Variants in AGAP3 observed in about 807,000 individuals in gnomAD.
AGAP3 encodes the protein ArfGAP with GTPase domain, ankyrin repeat and PH domain 3.
AGAP3 carries 24 observed loss-of-function variants against 96.9 expected under a neutral mutation model. The ratio of observed to expected loss-of-function variants is 0.25; its 90% CI spans 0.18 to 0.35. The LOEUF (loss-of-function observed/expected upper bound fraction) is 0.35. AGAP3 is among the 10% of genes least tolerant of loss of function. The pLI is 1.00. For missense variants in AGAP3, 876 were observed against 1,254.2 expected, an observed-to-expected ratio of 0.70 and a Z score of 4.55; for synonymous variants, 563 against 536.1, an observed-to-expected ratio of 1.05 and a Z score of -0.69.
intron 8 of AGAP3, 58 bp downstream of exon 8, chr7:151,120,203 C>A: frequency 1.3e-6 from 2 of 1,522,292 alleles, no homozygotes; most frequent in Non-Finnish European, 1.8e-6. Flanking sequence ...CAGGGCTGAG[C>A]GCCGAGCTCC....
chr7:151,112,973 A>C (rs1019706605), intron 1 of AGAP3, among the ~76,000 whole-genome samples: 1 of 152,098 alleles, frequency 6.6e-6, no homozygotes, highest in Non-Finnish European at 1.5e-5. Context: ...ACCTCAGGTG[A>C]TCCGCCTGCC....
At position 151,120,103 on chromosome 7, in the gene AGAP3, A is replaced by G; in HGVS notation, c.1086A>G (p.Thr362=). 6.2e-7 allele frequency: 1 copy of G among 1,612,552 alleles called. No individual in the cohort carries two copies. The highest frequency in any genetic ancestry group is 1.7e-4 in the Middle Eastern group (1 of 6,056). ...IETIAASSTP[T]PIRKQSKRRS... is the part of the protein sequence containing the mutation. The stretch of plus-strand genomic sequence containing the variant: ...CCATCGCTGCCTCCTCCACCCCCAC[A>G]CCCATCCGAAAGCAGTCCAAGCGGC... The change falls in exon 8 of 18, where the codon ACA becomes ACG. Residue 362 remains threonine (T), a synonymous_variant. Coordinates refer to ENST00000397238, the MANE Select transcript of AGAP3 (RefSeq NM_031946.7).
intron 1 of AGAP3, among the ~76,000 whole-genome samples, chr7:151,109,178 A>AC (rs1479668262): frequency 2.0e-5 from 3 of 148,480 alleles, no homozygotes; most frequent in African/African-American, 5.2e-5. Flanking sequence ...AAAAAAAAAA[A>AC]AACAAAAAAC....
Position 151,118,398 on chromosome 7 carries a change from A to G in AGAP3, c.841+54A>G. Reference sequence around the variant, plus strand: ...GGCAGCCGCGGCCCCAGTGCTGGCGATAGGAAGGCTCCCAGTGAGAGCAAG... The same window carrying G: ...GGCAGCCGCGGCCCCAGTGCTGGCGGTAGGAAGGCTCCCAGTGAGAGCAAG... On this transcript the variant is annotated intron_variant, in intron 6 of 17. Transcript: ENST00000397238. The surrounding 1 kb of genome is among the most constrained non-coding windows in gnomAD (Gnocchi z 6.1). The G allele has an allele frequency of 6.3e-7, 1 of 1,595,646 alleles. No homozygotes were observed. Among genetic ancestry groups the G allele is most frequent in the Non-Finnish European group, 8.6e-7 (1 of 1,166,296 alleles).
intron 1 of AGAP3, among the ~76,000 whole-genome samples, chr7:151,097,957 T>C (rs1413605554): frequency 2.0e-5 from 3 of 152,242 alleles, no homozygotes; most frequent in African/African-American, 7.2e-5. Flanking sequence ...CCACTTGGTA[T>C]TGACACCCAG....
At chr7:151,136,363 C>T (rs1342366365) in intron 11 of AGAP3, 2 of 152,264 alleles carry the variant, frequency 1.3e-5, no homozygotes, top group African/African-American at 4.8e-5. Context: ...TGCCCTCGCT[C>T]CTGTAATGAC....
chr7:151,100,529 A>G (rs1798795705), intron 1 of AGAP3, among the ~76,000 whole-genome samples: 1 of 152,190 alleles, frequency 6.6e-6, no homozygotes, highest in African/African-American at 2.4e-5. Context: ...TAGCACCCTT[A>G]TAAAAACAAA....
chr7:151,128,514 T>C, intron 9 of AGAP3, 66 bp from the exon 10 acceptor site: 1 of 1,394,124 alleles, frequency 7.2e-7, no homozygotes, highest in East Asian at 2.3e-5. Flanking sequence ...GACGACATCG[T>C]GACCTCCTCA....
intron 1 of AGAP3, among the ~76,000 whole-genome samples, chr7:151,092,422 C>T (rs949956705): frequency 2.6e-5 from 4 of 152,292 alleles, no homozygotes; most frequent in Middle Eastern, 3.4e-3. Flanking sequence ...TGATGCTTTC[C>T]TCCTGACCCC....
chr7:151,115,618 C>T (rs941902793), intron 1 of AGAP3: 31 of 1,167,774 alleles, frequency 2.7e-5, no homozygotes, highest in Admixed American at 4.7e-5. Flanking sequence ...GCTGCGGCCC[C>T]GGAGCTCCTG....
chr7:151,134,378 G>A, intron 10 of AGAP3, 22 bp from the exon 11 acceptor site: 1 of 1,612,774 alleles, frequency 6.2e-7, no homozygotes, highest in Non-Finnish European at 8.5e-7. Context: ...GTCTTCATCT[G>A]TCTCTCCCAC....
intron 1 of AGAP3, among the ~76,000 whole-genome samples, chr7:151,110,736 A>T (rs918670247): frequency 2.0e-5 from 3 of 151,986 alleles, no homozygotes; most frequent in Non-Finnish European, 1.5e-5. Flanking sequence ...TGAAGAAAGG[A>T]GCTGGTGATG....
rs1792315410 is a variant in AGAP3 at position 151,087,278 on chromosome 7, G to A, written c.331+206G>A. On this transcript the variant is annotated intron_variant, in intron 1 of 17. Transcript: ENST00000397238. Reference sequence around the variant, plus strand: ...GTTCGGGGACACTTTGGGGTTGGGGGTTTTCTGCTGACTGTGTTCCAGGGC... The same window carrying A: ...GTTCGGGGACACTTTGGGGTTGGGGATTTTCTGCTGACTGTGTTCCAGGGC... 1.8e-5 allele frequency: 11 copies of A among 608,962 alleles called. No individual in the cohort carries two copies. The South Asian group carries it at 2.1e-4, about 12-fold the overall frequency. 37.7% of individuals were successfully genotyped at this position (608,962 alleles called of 1,614,324 possible).
intron 5 of AGAP3, 81 bp downstream of exon 5, chr7:151,117,858 G>A: frequency 6.7e-7 from 1 of 1,494,476 alleles, no homozygotes; most frequent in Non-Finnish European, 8.9e-7. Context: ...GGGCAGGTGT[G>A]AGAAAGCCCC....
intron 1 of AGAP3, among the ~76,000 whole-genome samples, chr7:151,095,055 G>A (rs1057462204): frequency 6.6e-6 from 1 of 150,458 alleles, no homozygotes; most frequent in Non-Finnish European, 1.5e-5. Flanking sequence ...TTTTAAAATT[G>A]TCTTGTAGAG....
rs377336159 is a variant in AGAP3 at position 151,117,091 on chromosome 7, G to A, written c.391-4G>A. 59 of 1,613,122 alleles carry A rather than the reference G, an allele frequency of 3.7e-5. No homozygotes were observed. The African/African-American group carries it at 4.0e-4, about 11-fold the overall frequency. ...TGACCCACTCACCCCTTCCTCTCCC[G>A]CAGGGCATAGTGGGGAACCTGTCTA... On this transcript the variant is annotated splice_polypyrimidine_tract_variant and splice_region_variant and intron_variant, in intron 2 of 17. Transcript: ENST00000397238.
intron 1 of AGAP3, among the ~76,000 whole-genome samples, chr7:151,092,818 A>T (rs1798451678): frequency 6.6e-6 from 1 of 152,198 alleles, no homozygotes; most frequent in South Asian, 2.1e-4. Context: ...GTATGGGCTG[A>T]ATAAGTGTTG....
chr7:151,138,198 C>T lies in AGAP3; in HGVS notation c.1551C>T (p.Ser517=), dbSNP rs1404900901. 1 of 1,610,724 alleles carries T rather than the reference C, an allele frequency of 6.2e-7. No individual in the cohort carries two copies. The highest frequency in any genetic ancestry group is 1.7e-5 in the Admixed American group (1 of 59,842). Residue 517 remains serine (S), a synonymous_variant, in exon 12 of 18, where the codon AGC becomes AGT. Coordinates refer to ENST00000397238, the MANE Select transcript of AGAP3 (RefSeq NM_031946.7). ...ASLHSERPLS[S]SAWAGPRPEG... is the part of the protein sequence containing the mutation. ...TGCACTCTGAGCGCCCCCTCAGCAG[C>T]TCGGCCTGGGCTGGCCCGCGCCCTG...
At chr7:151,105,674 G>C (rs1485080353) in intron 1 of AGAP3, among the ~76,000 whole-genome samples, 3 of 151,074 alleles carry the variant, frequency 2.0e-5, no homozygotes, top group Non-Finnish European at 4.4e-5. Context: ...GCTGAGGTGG[G>C]AAGATCTCTT....
Sources: allele counts gnomAD v4.1 joint callset (sites outside exome capture counted in the v4.1 genomes callset), GRCh38; gene constraint gnomAD v4.1.1; non-coding constraint Gnocchi (gnomAD v3.1); transcripts MANE v1.5; gene names NCBI Gene and HGNC (gene_info 2026-07-23, HGNC 2026-07-21).